PRDM16: variants seen among roughly 807,000 people sequenced by gnomAD.
PRDM16 encodes histone-lysine N-methyltransferase PRDM16.
Under a neutral mutation model 110.6 loss-of-function variants are expected in PRDM16, and 23 were observed. The ratio of observed to expected loss-of-function variants is 0.21; its 90% confidence interval spans 0.15 to 0.29. The LOEUF is 0.29. Among genes scored for constraint, PRDM16 ranks in the 10% least tolerant of loss-of-function variants. PRDM16 has a pLI of 1.00. For synonymous variants in PRDM16, 799 were observed against 781.8 expected, an observed-to-expected ratio of 1.02 and a Z score of -0.37; for missense variants, 1,615 against 1,794.3, an observed-to-expected ratio of 0.90 and a Z score of 1.81.
intron 2 of PRDM16, among the ~76,000 whole-genome samples, chr1:3,200,709 C>A (rs1023711380): frequency 6.6e-6 from 1 of 151,960 alleles, no homozygotes; most frequent in African/African-American, 2.4e-5. Context: ...GTATCCCCGG[C>A]ACGCGTGGCC....
intron 3 of PRDM16, among the ~76,000 whole-genome samples, chr1:3,317,111 G>A (rs1641625617): frequency 6.6e-6 from 1 of 152,224 alleles, no homozygotes; most frequent in African/African-American, 2.4e-5. Flanking sequence ...TAATGACAGC[G>A]CCCTACGTGG....
chr1:3,314,641 G>A (rs1237658040), intron 3 of PRDM16, among the ~76,000 whole-genome samples: 9 of 151,704 alleles, frequency 5.9e-5, no homozygotes, highest in African/African-American at 1.9e-4. Flanking sequence ...GGGTTTTTGT[G>A]TGTTGTTGTT....
intron 3 of PRDM16, among the ~76,000 whole-genome samples, chr1:3,272,412 AC>A (rs1640476417): frequency 6.6e-6 from 1 of 152,122 alleles, no homozygotes; most frequent in South Asian, 2.1e-4. Context: ...AGAAATCCAT[AC>A]CCCGGCCCAC....
intron 1 of PRDM16, among the ~76,000 whole-genome samples, chr1:3,142,776 G>A (rs1458423914): frequency 2.0e-5 from 3 of 152,190 alleles, no homozygotes; most frequent in East Asian, 1.9e-4. Context: ...CCGCCAAGCT[G>A]TGAGGGGAGG....
At chr1:3,180,996 GATCTTACAC>G (rs1569777568) in intron 1 of PRDM16, among the ~76,000 whole-genome samples, 1 of 139,280 alleles carries the variant, frequency 7.2e-6, no homozygotes, top group East Asian at 2.1e-4. Context: ...TCTTACACAC[GATCTTACAC>G]GCGGTCTTAC....
rs149950639 is a variant in PRDM16 at position 3,232,800 on chromosome 1, C to T, written c.388-11287C>T. ...TTTCCCAAACCTCAGTGAGTGGTGT[C>T]GTAGCCAGAGAAGAGCCCAACTTTG... is the stretch of plus-strand genomic sequence containing the variant. On this transcript the variant is annotated intron_variant, in intron 2 of 16. Transcript: ENST00000270722. 4.0e-3 allele frequency among the ~76,000 whole-genome samples: 615 copies of T among 152,278 alleles called. 5 individuals are homozygous for T. The highest frequency in any genetic ancestry group is 0.014 in the African/African-American group (583 of 41,558).
At chr1:3,278,973 C>T (rs758232478) in intron 3 of PRDM16, among the ~76,000 whole-genome samples, 7 of 152,226 alleles carry the variant, frequency 4.6e-5, no homozygotes, top group Admixed American at 1.3e-4. Flanking sequence ...CGGTGCCGAG[C>T]GCGGCGCTGG....
chr1:3,390,597 C>G lies in PRDM16; in HGVS notation c.573+5311C>G, dbSNP rs1037936429. The stretch of plus-strand genomic sequence containing the variant: ...GTGGCCGCCGGTGGCCAGGCAGCAC[C>G]GCGTGGACAAGAGCCCGCGCGGGTT... On this transcript the variant is annotated intron_variant, in intron 4 of 16. Coordinates refer to ENST00000270722, the MANE Select transcript of PRDM16 (RefSeq NM_022114.4). This position sits in a 1 kb window ranked among gnomAD's most constrained non-coding sequence, Gnocchi z 5.0. 6.6e-6 allele frequency among the ~76,000 whole-genome samples: 1 copy of G among 152,034 alleles called. No homozygotes were observed. The highest frequency in any genetic ancestry group is 1.5e-5 in the Non-Finnish European group (1 of 67,998).
intron 2 of PRDM16, among the ~76,000 whole-genome samples, chr1:3,187,120 G>A (rs867012952): frequency 6.6e-6 from 1 of 152,222 alleles, no homozygotes; most frequent in African/African-American, 2.4e-5. Context: ...ACGGCTCTGA[G>A]AGGGAAGCAC....
At chr1:3,256,166 C>T (rs921918995) in intron 3 of PRDM16, among the ~76,000 whole-genome samples, 4 of 152,188 alleles carry the variant, frequency 2.6e-5, no homozygotes, top group African/African-American at 9.6e-5. Context: ...TGGCCTGACC[C>T]AACCAGTCTG....
intron 6 of PRDM16, among the ~76,000 whole-genome samples, 155 bp downstream of exon 6, chr1:3,403,153 C>G (rs1466701942): frequency 6.6e-6 from 1 of 152,188 alleles, no homozygotes; most frequent in Non-Finnish European, 1.5e-5. Context: ...GGGACACACC[C>G]TGGGGATATG....
chr1:3,096,291 G>A (rs1171944548), intron 1 of PRDM16, among the ~76,000 whole-genome samples: 2 of 152,010 alleles, frequency 1.3e-5, no homozygotes, highest in African/African-American at 2.4e-5. Context: ...CAGCCTCCTC[G>A]CTGTCCTGTC....
intron 3 of PRDM16, among the ~76,000 whole-genome samples, chr1:3,356,177 G>A (rs898350237): frequency 6.6e-6 from 1 of 152,196 alleles, no homozygotes; most frequent in Non-Finnish European, 1.5e-5. Context: ...ACGTCCTTTC[G>A]CACACCAGCA....
rs370386474 is a variant in PRDM16, at chr1:3,411,655, C to T, written c.1458C>T (p.Asn486=). ...TCAATCACGCCAGCCTGGGCTTCAA[C>T]GAGTACTTTCCCTCCAGGCCGCACC... ...PSLNHASLGF[N]EYFPSRPHPG... Residue 486 remains asparagine, a synonymous_variant, in exon 9 of 17, where the codon AAC becomes AAT. Coordinates refer to ENST00000270722, the MANE Select transcript of PRDM16 (RefSeq NM_022114.4). 1.1e-5 allele frequency: 17 copies of T among 1,613,240 alleles called. No individual in the cohort carries two copies. Among genetic ancestry groups the T allele is most frequent in the African/African-American group, 8.0e-5 (6 of 74,912 alleles).
At chr1:3,223,639 G>A (rs1296848373) in intron 2 of PRDM16, among the ~76,000 whole-genome samples, 2 of 152,180 alleles carry the variant, frequency 1.3e-5, no homozygotes, top group African/African-American at 2.4e-5. Flanking sequence ...GGCTGCAGGG[G>A]AATGCACCAT....
At position 3,213,778 on chromosome 1, in the gene PRDM16, C is replaced by A. The variant is rs968389813; in HGVS notation, c.387+27304C>A. ...CACCACGTCCACCCCAGGTCACCTA[C>A]AAACAAGGTCAGCCAGGGCCGTAGA... On this transcript the variant is annotated intron_variant, in intron 2 of 16. Coordinates refer to ENST00000270722, the MANE Select transcript of PRDM16 (RefSeq NM_022114.4). This position sits in a 1 kb window ranked among gnomAD's most constrained non-coding sequence, Gnocchi z 5.3. 2.0e-5 allele frequency among the ~76,000 whole-genome samples: 3 copies of A among 152,146 alleles called. No individual in the cohort carries two copies. The highest frequency in any genetic ancestry group is 7.2e-5 in the African/African-American group (3 of 41,440).
At position 3,208,664 on chromosome 1, in the gene PRDM16, C is replaced by CAA. The variant is rs572422055; in HGVS notation, c.387+22203_387+22204dup. On this transcript the variant is annotated intron_variant, in intron 2 of 16. Transcript: ENST00000270722. This position sits in a 1 kb window ranked among gnomAD's most constrained non-coding sequence, Gnocchi z 6.1. Reference sequence around the variant, plus strand: ...CTGGTGACAGAGCAAGACTCCGTCTCAAAAAAAAAAAAAAGAAAAGAAAAG... The same window carrying CAA: ...CTGGTGACAGAGCAAGACTCCGTCTCAAAAAAAAAAAAAAAAGAAAAGAAAAG... The CAA allele has an allele frequency of 6.1e-3, 632 of 103,462 alleles. 4 individuals carry two copies. The highest frequency in any genetic ancestry group is 0.018 in the South Asian group (59 of 3,240). The allele number at this position is 103,462 out of a possible 1,614,324, so 6.4% of individuals were successfully genotyped here. A position where few individuals can be genotyped will look rare whatever the true frequency, so the allele number is the denominator to read the frequency against.
intron 12 of PRDM16, 78 bp downstream of exon 12, chr1:3,418,822 A>G (rs1638347550): frequency 1.8e-6 from 2 of 1,123,098 alleles, no homozygotes; most frequent in Non-Finnish European, 2.7e-6. Flanking sequence ...AGGAGTAAGT[A>G]TGCCATTCCC....
At chr1:3,150,060 C>A (rs985544125) in intron 1 of PRDM16, among the ~76,000 whole-genome samples, 2 of 152,178 alleles carry the variant, frequency 1.3e-5, no homozygotes, top group East Asian at 3.9e-4. Flanking sequence ...GGAGAGGACA[C>A]GGGTCACCCT....
Sources: allele counts gnomAD v4.1 joint callset (sites outside exome capture counted in the v4.1 genomes callset), GRCh38; gene constraint gnomAD v4.1.1; non-coding constraint Gnocchi (gnomAD v3.1); transcripts MANE v1.5; gene names NCBI Gene and HGNC (gene_info 2026-07-23, HGNC 2026-07-21).